The following COL25A1 variants were observed in gnomAD, a reference collection of about 807,000 sequenced individuals.
COL25A1 encodes the protein collagen alpha-1(XXV) chain.
In COL25A1, 103 loss-of-function variants were observed where a neutral mutation model predicts 128.4. The observed-to-expected ratio is 0.80, with a 90% confidence interval of 0.68 to 0.94. The LOEUF (loss-of-function observed/expected upper bound fraction) is 0.94. Ranked by LOEUF, COL25A1 falls within the 40% of genes least tolerant of loss-of-function variation. COL25A1 has a pLI of 0.00. For synonymous variants in COL25A1, 279 were observed against 277.2 expected (o/e 1.01, Z -0.06); for missense variants, 745 against 840.0 (o/e 0.89, Z 1.40).
chr4:108,971,657 G>C (rs576041053), intron 8 of COL25A1, among the ~76,000 whole-genome samples: 1 of 152,142 alleles, frequency 6.6e-6, no homozygotes, highest in African/African-American at 2.4e-5. Flanking sequence ...GTGGGGATGG[G>C]CAAGAGCTAA....
At chr4:108,827,310 G>A in intron 32 of COL25A1, 122 bp from the exon 33 acceptor site, 2 of 843,196 alleles carry the variant, frequency 2.4e-6, no homozygotes, top group Non-Finnish European at 2.0e-6. Context: ...CAAAGATTTA[G>A]CCTCTTGCAG....
At chr4:109,301,114 C>T (rs1725480193) in intron 2 of COL25A1, among the ~76,000 whole-genome samples, 1 of 152,042 alleles carries the variant, frequency 6.6e-6, no homozygotes, top group Non-Finnish European at 1.5e-5. Flanking sequence ...TAAAGGTACC[C>T]TTACACATAA....
At chr4:109,179,276 GC>G (rs1178207037) in intron 3 of COL25A1, among the ~76,000 whole-genome samples, 3 of 152,104 alleles carry the variant, frequency 2.0e-5, no homozygotes, top group Non-Finnish European at 2.9e-5. Context: ...CTTGCAACCT[GC>G]CTTAACTGTC....
At chr4:108,863,033 T>A (rs1418367354) in intron 21 of COL25A1, among the ~76,000 whole-genome samples, 1 of 152,098 alleles carries the variant, frequency 6.6e-6, no homozygotes, top group African/African-American at 2.4e-5. Flanking sequence ...TCAACAGGGA[T>A]TTTTTTTCAG....
intron 4 of COL25A1, among the ~76,000 whole-genome samples, chr4:109,049,795 C>T (rs1760811550): frequency 6.6e-6 from 1 of 152,102 alleles, no homozygotes; most frequent in Non-Finnish European, 1.5e-5. Context: ...TAGATGGAAA[C>T]GTGGGTGATG....
chr4:109,055,026 T>C (rs1761336257), intron 3 of COL25A1, among the ~76,000 whole-genome samples: 1 of 152,150 alleles, frequency 6.6e-6, no homozygotes, highest in African/African-American at 2.4e-5. Flanking sequence ...CTAAACCAGG[T>C]TTACCTTCAG....
At position 109,110,900 on chromosome 4, in the gene COL25A1, C is replaced by T. The variant is rs1279110968; in HGVS notation, c.368-60721G>A. On this transcript the variant is annotated intron_variant, in intron 3 of 37. Transcript: ENST00000399132. ...ATTTTCGTCTGCACTATTGCAATAG[C>T]ATCCTACTCTGGCTCCATGATTCCA... is the stretch of plus-strand genomic sequence containing the variant. Among the ~76,000 whole-genome samples, 3 of 152,202 alleles carry T rather than the reference C, an allele frequency of 2.0e-5. No homozygotes were observed. The East Asian group carries it at 5.8e-4, about 29-fold the overall frequency.
At chr4:108,977,621 T>A (rs955911379) in intron 6 of COL25A1, among the ~76,000 whole-genome samples, 4 of 152,228 alleles carry the variant, frequency 2.6e-5, no homozygotes, top group African/African-American at 4.8e-5. Context: ...GCATGTTAGT[T>A]AACTTTATTT....
intron 5 of COL25A1, among the ~76,000 whole-genome samples, chr4:109,043,245 T>G (rs1028654122): frequency 6.6e-6 from 1 of 152,098 alleles, no homozygotes; most frequent in African/African-American, 2.4e-5. Flanking sequence ...AAGACACAAT[T>G]TGACTTAAAA....
intron 13 of COL25A1, among the ~76,000 whole-genome samples, chr4:108,907,746 C>G (rs182928797): frequency 1.3e-5 from 2 of 152,202 alleles, no homozygotes; most frequent in Non-Finnish European, 2.9e-5. Flanking sequence ...GTCTAAAAAT[C>G]TCATTCAATT....
chr4:108,815,816 G>A (rs74622409), intron 37 of COL25A1, among the ~76,000 whole-genome samples: 268 of 152,124 alleles, frequency 1.8e-3, no homozygotes, highest in African/African-American at 6.0e-3. Flanking sequence ...AAAAGGCAGC[G>A]ATTCAGATTA....
At position 108,964,095 on chromosome 4, in the gene COL25A1, TTAAATTAA is replaced by T. The variant is rs1243046796; in HGVS notation, c.492+10264_492+10271del. Among the ~76,000 whole-genome samples the T allele has an allele frequency of 2.0e-3, 293 of 149,812 alleles. 2 individuals are homozygous for T. Among genetic ancestry groups the T allele is most frequent in the African/African-American group, 6.6e-3 (270 of 41,168 alleles). On this transcript the variant is annotated intron_variant, in intron 8 of 37. Transcript: ENST00000399132. ...TTAATTAAATAATGTGAATATTAAA[TTAAATTAA>T]TAAATTAATAAATAGTAAATAAGAA... is the stretch of plus-strand genomic sequence containing the variant.
intron 15 of COL25A1, among the ~76,000 whole-genome samples, chr4:108,897,719 T>TC (rs2070921679): frequency 6.6e-6 from 1 of 152,208 alleles, no homozygotes; most frequent in South Asian, 2.1e-4. Flanking sequence ...TTTCTATTAC[T>TC]CAAAAAGTTT....
chr4:108,854,543 T>A (rs1202259394), intron 24 of COL25A1, among the ~76,000 whole-genome samples: 1 of 152,106 alleles, frequency 6.6e-6, no homozygotes. Context: ...CATTGAAAAG[T>A]GGGCAAAGGA....
At chr4:108,823,303 G>A (rs1007795508) in intron 35 of COL25A1, among the ~76,000 whole-genome samples, 25 of 152,020 alleles carry the variant, frequency 1.6e-4, no homozygotes, top group African/African-American at 6.0e-4. Flanking sequence ...TGTGTCCAGT[G>A]TAAACAATTC....
At chr4:108,858,615 C>T (rs193253652) in intron 24 of COL25A1, among the ~76,000 whole-genome samples, 1 of 152,070 alleles carries the variant, frequency 6.6e-6, no homozygotes, top group African/African-American at 2.4e-5. Flanking sequence ...GGCATTCATA[C>T]ATCCATAATG....
At chr4:108,974,643 C>G in intron 6 of COL25A1, 84 bp from the exon 7 acceptor site, 1 of 1,147,666 alleles carries the variant, frequency 8.7e-7, no homozygotes. Context: ...TTGAAAGATT[C>G]ATTCAAAGAA....
At chr4:108,846,968 C>T (rs1004942010) in intron 27 of COL25A1, among the ~76,000 whole-genome samples, 6 of 144,098 alleles carry the variant, frequency 4.2e-5, no homozygotes, top group African/African-American at 1.0e-4. Context: ...CGCAATGGTG[C>T]GATCTTGGCT....
chr4:109,003,164 C>T (rs1372119708), intron 6 of COL25A1, among the ~76,000 whole-genome samples: 2 of 152,190 alleles, frequency 1.3e-5, no homozygotes, highest in Admixed American at 1.3e-4. Flanking sequence ...AAACTATCAT[C>T]AGAGTAAACA....
Sources: allele counts gnomAD v4.1 joint callset (sites outside exome capture counted in the v4.1 genomes callset), GRCh38; gene constraint gnomAD v4.1.1; transcripts MANE v1.5; gene names NCBI Gene and HGNC (gene_info 2026-07-23, HGNC 2026-07-21).